The following UBE2V1 variants were observed in gnomAD, a reference collection of about 807,000 sequenced individuals.
The protein encoded by UBE2V1 is ubiquitin-conjugating enzyme E2 variant 1.
A neutral mutation model predicts 19.6 loss-of-function variants in UBE2V1; 15 were observed. The ratio of observed to expected loss-of-function variants is 0.77; its 90% CI spans 0.51 to 1.18. UBE2V1 has a LOEUF of 1.18. Among genes scored for constraint, UBE2V1 ranks in the 50% most tolerant of loss-of-function variants. The probability of loss-of-function intolerance (pLI) is 0.00; values close to 1 mark genes in which losing one functional copy is unlikely to be tolerated. For missense variants in UBE2V1, 125 were observed against 184.8 expected (o/e 0.68, Z 1.88); for synonymous variants, 60 against 60.7 (o/e 0.99, Z 0.05).
chr20:50,087,821 T>C (rs986722824), intron 2 of UBE2V1, among the ~76,000 whole-genome samples: 2 of 152,232 alleles, frequency 1.3e-5, no homozygotes, highest in South Asian at 2.1e-4. Context: ...GGCATATTCA[T>C]ATAACCCGGA....
chr20:50,099,494 C>T (rs1410469725), intron 1 of UBE2V1, among the ~76,000 whole-genome samples: 1 of 152,116 alleles, frequency 6.6e-6, no homozygotes, highest in Non-Finnish European at 1.5e-5. Context: ...ATGGATGATT[C>T]CCCCTACTTT....
intron 1 of UBE2V1, among the ~76,000 whole-genome samples, chr20:50,112,115 G>C (rs929778857): frequency 1.3e-5 from 2 of 152,216 alleles, no homozygotes; most frequent in African/African-American, 4.8e-5. Context: ...CGTCTCCACA[G>C]AAGAGACACT....
At chr20:50,114,075 G>GCTTGTGCAAAGGCC (rs886860627), upstream of UBE2V1, among the ~76,000 whole-genome samples, 3 of 152,202 alleles carry the variant, frequency 2.0e-5, no homozygotes, top group African/African-American at 7.2e-5. Flanking sequence ...AGAGGGAACA[G>GCTTGTGCAAAGGCC]CTTGTGCAAA....
At chr20:50,093,987 C>CAAAAAAAAAAAAAAAAA (rs60174191) in intron 2 of UBE2V1, among the ~76,000 whole-genome samples, 2 of 56,306 alleles carry the variant, frequency 3.6e-5, no homozygotes, top group Non-Finnish European at 6.6e-5. Context: ...GACTCCAACT[C>CAAAAAAAAAAAAAAAAA]AAAAAAAAAA....
At chr20:50,113,803 A>ATTCG (rs1214733214), upstream of UBE2V1, among the ~76,000 whole-genome samples, 2 of 123,012 alleles carry the variant, frequency 1.6e-5, no homozygotes, top group African/African-American at 8.4e-5. Flanking sequence ...TCGTTCATTC[A>ATTCG]TTCATTCAAC....
chr20:50,108,277 G>A (rs1290979246), intron 1 of UBE2V1, among the ~76,000 whole-genome samples: 1 of 152,200 alleles, frequency 6.6e-6, no homozygotes, highest in Admixed American at 6.5e-5. Context: ...GGAGGATTTG[G>A]CATTTAGTTT....
At chr20:50,091,454 A>G (rs911953628) in intron 2 of UBE2V1, among the ~76,000 whole-genome samples, 7 of 143,842 alleles carry the variant, frequency 4.9e-5, no homozygotes, top group African/African-American at 1.6e-4. Context: ...TCTTGTTGCA[A>G]GCAGTGGCGC....
In UBE2V1 at chr20:50,092,777, C is replaced by T. The variant is rs549115604; in HGVS notation, c.171+3895G>A. Reference sequence around the variant, plus strand: ...CAAACAAACAAAAAAGGTGGGGGCACTATTCAAACAGCACACACATATGAC... The same window carrying T: ...CAAACAAACAAAAAAGGTGGGGGCATTATTCAAACAGCACACACATATGAC... On this transcript the variant is annotated intron_variant, in intron 2 of 3. Transcript: ENST00000371674. Among the ~76,000 whole-genome samples the T allele has an allele frequency of 3.3e-5, 5 of 152,284 alleles. No individual in the cohort carries two copies. In the South Asian group the frequency reaches 6.2e-4, roughly 19 times the overall value.
At chr20:50,096,604 A>C in intron 2 of UBE2V1, 68 bp downstream of exon 2, 1 of 1,607,726 alleles carries the variant, frequency 6.2e-7, no homozygotes, top group Non-Finnish European at 8.5e-7. Context: ...TGATAAGGCT[A>C]ATATTTTTTA....
chr20:50,083,589 G>T (rs1427721807), intron 3 of UBE2V1: 1 of 153,286 alleles, frequency 6.5e-6, no homozygotes, highest in Non-Finnish European at 1.5e-5. Flanking sequence ...CTTTGAACAG[G>T]AGAGCAGGCC....
intron 1 of UBE2V1, among the ~76,000 whole-genome samples, chr20:50,106,601 T>C (rs557718920): frequency 6.9e-4 from 105 of 152,112 alleles, no homozygotes; most frequent in African/African-American, 2.4e-3. Context: ...GAGGCAGAGA[T>C]GGGTGGATCA....
chr20:50,084,138 A>G lies in UBE2V1; in HGVS notation c.288T>C (p.Ser96=), dbSNP rs762521252. ...TKINMNGVNS[S]NGVVDPRAIS... is the part of the protein sequence containing the mutation. ...AGAGAAAACAACTTACCACTCCATT[A>G]GAACTATTTACTCCATTCATATTAA... Residue 96 remains serine, a synonymous_variant, in exon 3 of 4, where the codon TCT becomes TCC. Transcript: ENST00000371674. The G allele has an allele frequency of 6.3e-7, 1 of 1,592,414 alleles. No individual in the cohort carries two copies. Among genetic ancestry groups the G allele is most frequent in the Admixed American group, 1.8e-5 (1 of 55,044 alleles).
rs959945210 is a variant in UBE2V1 at position 50,082,074 on chromosome 20, C to T, written c.*694G>A. ...GAGGAGGAGGGAGAAAAAGCAGCAC[C>T]CCTCGATAAAGGTGGGGGAGAGAAG... On this transcript the variant is annotated 3_prime_UTR_variant, in exon 4 of 4. Transcript: ENST00000371674. The T allele has an allele frequency of 1.1e-5, 2 of 184,414 alleles. No individual in the cohort carries two copies. The highest frequency in any genetic ancestry group is 4.7e-5 in the African/African-American group (2 of 42,354). 11.4% of individuals were successfully genotyped at this position (184,414 alleles called of 1,614,324 possible). A position where few individuals can be genotyped will look rare whatever the true frequency, so the allele number is the denominator to read the frequency against.
intron 2 of UBE2V1, chr20:50,095,358 C>G (rs770108935): frequency 6.6e-6 from 1 of 151,970 alleles, no homozygotes; most frequent in East Asian, 1.9e-4. Flanking sequence ...GGGTTTTCCC[C>G]GGTATTTAGC....
At chr20:50,083,352 C>T (rs372870698) in intron 3 of UBE2V1, among the ~76,000 whole-genome samples, 4 of 152,380 alleles carry the variant, frequency 2.6e-5, no homozygotes, top group South Asian at 2.1e-4. Flanking sequence ...GCCACAGAGC[C>T]AGCACCTCTC....
chr20:50,099,051 C>A, intron 1 of UBE2V1: 1 of 868,308 alleles, frequency 1.2e-6, no homozygotes, highest in South Asian at 5.3e-5. Context: ...AGGGTTCAAT[C>A]TAAATCTTTA....
At chr20:50,107,742 T>C (rs1424047519) in intron 1 of UBE2V1, among the ~76,000 whole-genome samples, 2 of 152,242 alleles carry the variant, frequency 1.3e-5, no homozygotes, top group Non-Finnish European at 1.5e-5. Flanking sequence ...ACTGAGTACC[T>C]ACTATTTTGT....
At chr20:50,111,312 A>C in intron 1 of UBE2V1, 1 of 991,742 alleles carries the variant, frequency 1.0e-6, no homozygotes. Flanking sequence ...GGGTCTGGAG[A>C]AGTTAGAACC....
At chr20:50,091,008 A>T (rs937751130) in intron 2 of UBE2V1, among the ~76,000 whole-genome samples, 1 of 152,144 alleles carries the variant, frequency 6.6e-6, no homozygotes, top group South Asian at 2.1e-4. Context: ...TTAAAGCGGG[A>T]CTAAGTTAAC....
Sources: allele counts gnomAD v4.1 joint callset (sites outside exome capture counted in the v4.1 genomes callset), GRCh38; gene constraint gnomAD v4.1.1; transcripts MANE v1.5; gene names NCBI Gene and HGNC (gene_info 2026-07-23, HGNC 2026-07-21).